The following TNIP2 variants were observed in gnomAD, a reference collection of about 807,000 sequenced individuals.
TNIP2 encodes TNFAIP3 interacting protein 2, also known as TNFAIP3-interacting protein 2.
TNIP2 carries 30 observed loss-of-function variants against 43.7 expected under a neutral mutation model. The ratio of observed to expected loss-of-function variants is 0.69; its 90% CI spans 0.51 to 0.93. TNIP2 has a LOEUF of 0.93. Ranked by LOEUF, TNIP2 falls within the 40% of genes least tolerant of loss-of-function variation. The probability of loss-of-function intolerance (pLI) is 0.00; values close to 1 mark genes in which losing one functional copy is unlikely to be tolerated. For synonymous variants in TNIP2, 260 were observed against 254.6 expected, an observed-to-expected ratio of 1.02 and a Z score of -0.20; for missense variants, 599 against 591.0, an observed-to-expected ratio of 1.01 and a Z score of -0.14.
chr4:2,744,442 A>G lies in TNIP2; in HGVS notation c.971T>C (p.Ile324Thr). 2 of 1,614,176 alleles carry G rather than the reference A, an allele frequency of 1.2e-6. No individual in the cohort carries two copies. Among genetic ancestry groups the G allele is most frequent in the Non-Finnish European group, 1.7e-6 (2 of 1,180,026 alleles). Residue 324 changes from isoleucine to threonine, a missense_variant, in exon 5 of 6, where the codon ATT (isoleucine) becomes ACT (threonine). Ile to Thr is a moderately conservative substitution (Grantham distance 89). Transcript: ENST00000315423. This position sits in a 1 kb window ranked among gnomAD's most constrained non-coding sequence, Gnocchi z 5.1. ...GGCGACCTTTTCCTCCAGTTCTTGA[A>G]TCCTACTTTGAGCCCGTTCCCGATC... ...RADRERAQSRIQELEEKVASL... is the reference protein window; with the variant it reads ...RADRERAQSRTQELEEKVASL...
Position 2,742,713 on chromosome 4 carries a change from G to A in TNIP2, c.1027-193C>T, listed in dbSNP as rs138158438. ...TGACTGAGGATCACACACACGCTCC[G>A]TCATGTGCTCATGAAGAAGTAGGCC... On this transcript the variant is annotated intron_variant, in intron 5 of 5. Coordinates refer to ENST00000315423, the MANE Select transcript of TNIP2 (RefSeq NM_024309.4). Among the ~76,000 whole-genome samples, 8 of 152,260 alleles carry A rather than the reference G, an allele frequency of 5.3e-5. No individual in the cohort carries two copies. The East Asian group carries it at 1.4e-3, about 26-fold the overall frequency.
chr4:2,756,091 G>T lies in TNIP2; in HGVS notation c.199C>A (p.Leu67Met), dbSNP rs1263647896. 1 of 1,521,244 alleles carries T rather than the reference G, an allele frequency of 6.6e-7. No homozygotes were observed. Among genetic ancestry groups the T allele is most frequent in the South Asian group, 1.2e-5 (1 of 82,000 alleles). 94.2% of individuals were successfully genotyped at this position (1,521,244 alleles called of 1,614,324 possible). Residue 67 changes from leucine to methionine, a missense_variant, in exon 1 of 6, where the codon CTG (leucine) becomes ATG (methionine). Leu to Met is a conservative substitution (Grantham distance 15). Transcript: ENST00000315423. ...CGGAAGCGCGCAACCTGCTCCAGCA[G>T]CGCGTCCACTAGGGACGGCGCGGCG... Reference protein sequence around the residue: ...GDAAPSLVDALLEQVARFREQ... With the variant: ...GDAAPSLVDAMLEQVARFREQ...
rs755193938 is a variant in TNIP2, at chr4:2,745,461, T to C, written c.642A>G (p.Lys214=). 20 of 1,613,352 alleles carry C rather than the reference T, an allele frequency of 1.2e-5. No individual in the cohort carries two copies. The highest frequency in any genetic ancestry group is 1.5e-5 in the Non-Finnish European group (18 of 1,179,492). ...AGACACTCACGTGAGTCACCTTCTG[T>C]TTTAACAGTCGATTTTCTTCCTGCA... ...EKLQEENRLL[K]QKVTHVEDLN... Residue 214 remains lysine (K), a synonymous_variant, in exon 3 of 6, where the codon AAA becomes AAG. Transcript: ENST00000315423.
intron 3 of TNIP2, 124 bp downstream of exon 3, chr4:2,745,322 G>A (rs1368542474): frequency 1.4e-6 from 1 of 738,012 alleles, no homozygotes; most frequent in Non-Finnish European, 2.4e-6. Flanking sequence ...TCTAGGGACT[G>A]TGTGTATCAA....
chr4:2,753,174 C>T (rs891304548), intron 1 of TNIP2, among the ~76,000 whole-genome samples: 5 of 152,236 alleles, frequency 3.3e-5, no homozygotes, highest in African/African-American at 1.2e-4. Flanking sequence ...CGTGGTGGCT[C>T]ATGCCTGTAA....
At chr4:2,755,953 G>T in intron 1 of TNIP2, 61 bp downstream of exon 1, 1 of 1,468,470 alleles carries the variant, frequency 6.8e-7, no homozygotes, top group African/African-American at 1.5e-5. Flanking sequence ...ACCCACCCAG[G>T]ACCCGGCGGC....
At chr4:2,747,556 G>T in intron 2 of TNIP2, 99 bp downstream of exon 2, 2 of 1,262,042 alleles carry the variant, frequency 1.6e-6, no homozygotes, top group South Asian at 1.4e-5. Context: ...AACAGAAGTG[G>T]GTTCTGGGGC....
intron 2 of TNIP2, chr4:2,745,887 T>G (rs1350956844): frequency 1.7e-5 from 4 of 236,966 alleles, no homozygotes; most frequent in Admixed American, 5.3e-5. Flanking sequence ...CCAGACATGA[T>G]AAAGTCTTCT....
chr4:2,742,007 T>A lies in TNIP2; in HGVS notation c.*250A>T. 1 of 370,260 alleles carries A rather than the reference T, an allele frequency of 2.7e-6. No individual in the cohort carries two copies. The highest frequency in any genetic ancestry group is 4.8e-6 in the Non-Finnish European group (1 of 207,882). 22.9% of individuals were successfully genotyped at this position (370,260 alleles called of 1,614,324 possible). ...GCTTAAGCCTGATGGAGACACAGAC[T>A]GGGACCTCCCTCTGCCAGATGTTCC... On this transcript the variant is annotated 3_prime_UTR_variant, in exon 6 of 6. Coordinates refer to ENST00000315423, the MANE Select transcript of TNIP2 (RefSeq NM_024309.4).
chr4:2,744,885 C>T lies in TNIP2; in HGVS notation c.718G>A (p.Gly240Arg), dbSNP rs1721901510. 1 of 1,613,644 alleles carries T rather than the reference C, an allele frequency of 6.2e-7. No individual in the cohort carries two copies. The highest frequency in any genetic ancestry group is 1.7e-5 in the Admixed American group (1 of 60,006). ...AGCCCCCTGAGCTGCGCATGGAGCCCCCTCACGTATTCGTCCCTGCTGGCG... is the reference window on the plus strand; with the variant it reads ...AGCCCCCTGAGCTGCGCATGGAGCCTCCTCACGTATTCGTCCCTGCTGGCG... The part of the protein sequence containing the change: ...YNASRDEYVR[G>R]LHAQLRGLQI... The change falls in exon 4 of 6, where the codon GGG (glycine) becomes AGG (arginine). Residue 240 changes from glycine (G) to arginine (R), a missense_variant. Gly to Arg is a moderately radical substitution (Grantham distance 125). Transcript: ENST00000315423. The surrounding 1 kb of genome is among the most constrained non-coding windows in gnomAD (Gnocchi z 5.1).
chr4:2,746,546 C>T (rs1047424254), intron 2 of TNIP2, among the ~76,000 whole-genome samples: 49 of 152,380 alleles, frequency 3.2e-4, no homozygotes, highest in Admixed American at 1.0e-3. Context: ...TGAGGTTCCC[C>T]GCCTGGAATC....
In TNIP2 at chr4:2,756,171, G is replaced by A. The variant is rs2109500113; in HGVS notation, c.119C>T (p.Ala40Val). The change falls in exon 1 of 6, where the codon GCC becomes GTC. Residue 40 changes from alanine to valine, a missense_variant. Coordinates refer to ENST00000315423, the MANE Select transcript of TNIP2 (RefSeq NM_024309.4). ...RLRRLQDQLAARDALIARLRA... is the reference protein window; with the variant it reads ...RLRRLQDQLAVRDALIARLRA... ...GAGGCGAGCGATGAGGGCGTCGCGG[G>A]CAGCGAGCTGGTCCTGCAGGCGGCG... The A allele has an allele frequency of 6.8e-7, 1 of 1,478,050 alleles. No homozygotes were observed. Among genetic ancestry groups the A allele is most frequent in the Non-Finnish European group, 8.9e-7 (1 of 1,122,378 alleles). The allele number at this position is 1,478,050 out of a possible 1,614,324, so 91.6% of individuals were successfully genotyped here. A position where few individuals can be genotyped will look rare whatever the true frequency, so the allele number is the denominator to read the frequency against.
intron 2 of TNIP2, among the ~76,000 whole-genome samples, chr4:2,746,757 T>C (rs757504377): frequency 6.6e-6 from 1 of 152,228 alleles, no homozygotes; most frequent in Non-Finnish European, 1.5e-5. Flanking sequence ...GCGAGTGAGA[T>C]GGGGTCTCAG....
At chr4:2,743,077 C>G (rs1481923767) in intron 5 of TNIP2, among the ~76,000 whole-genome samples, 2 of 152,192 alleles carry the variant, frequency 1.3e-5, no homozygotes, top group Admixed American at 6.5e-5. Flanking sequence ...GTGGCCCTCA[C>G]TGCTTGCCTG....
intron 1 of TNIP2, among the ~76,000 whole-genome samples, chr4:2,750,821 G>A (rs231177): frequency 0.043 from 6,590 of 152,014 alleles, 483 homozygotes; most frequent in African/African-American, 0.15. Flanking sequence ...TCCTTCCTGC[G>A]TTGGTCAAAT....
At position 2,744,982 on chromosome 4, in the gene TNIP2, A is replaced by T. The variant is rs371685055; in HGVS notation, c.658-37T>A. ...GAGCCGGAAAGCTCACGGTGAAGGC[A>T]GCTGACAAAGCTGCTCAAGCCAGCA... is the stretch of plus-strand genomic sequence containing the variant. On this transcript the variant is annotated intron_variant, in intron 3 of 5. Transcript: ENST00000315423. The surrounding 1 kb of genome is among the most constrained non-coding windows in gnomAD (Gnocchi z 5.1). 6.4e-7 allele frequency: 1 copy of T among 1,574,194 alleles called. No individual in the cohort carries two copies. The highest frequency in any genetic ancestry group is 8.6e-7 in the Non-Finnish European group (1 of 1,156,614).
At position 2,742,452 on chromosome 4, in the gene TNIP2, G is replaced by A. The variant is rs777732330; in HGVS notation, c.1095C>T (p.Asp365=). Residue 365 remains aspartate (D), a synonymous_variant, in exon 6 of 6, where the codon GAC becomes GAT. Transcript: ENST00000315423. ...GSKTAKYLAA[D]ALELMVPGGW... ...CACCAGGCACCATAAGCTCTAATGC[G>A]TCGGCGGCCAAATACTTGGCAGTTT... 19 of 1,610,966 alleles carry A rather than the reference G, an allele frequency of 1.2e-5. No homozygotes were observed. Among genetic ancestry groups the A allele is most frequent in the Middle Eastern group, 1.6e-4 (1 of 6,076 alleles).
At chr4:2,755,869 T>C (rs1434808306) in intron 1 of TNIP2, 145 bp downstream of exon 1, 12 of 674,720 alleles carry the variant, frequency 1.8e-5, no homozygotes, top group Admixed American at 2.3e-4. Context: ...CCCCAACCCC[T>C]CAGGACCCGA....
In TNIP2 at chr4:2,744,658, C is replaced by T. The variant is rs748930066; in HGVS notation, c.906+39G>A. 33 of 1,588,856 alleles carry T rather than the reference C, an allele frequency of 2.1e-5. No homozygotes were observed. The highest frequency in any genetic ancestry group is 3.4e-6 in the Non-Finnish European group (4 of 1,171,768). ...ATTTCGGCCACCACCGGCCAGCAGACATCTGGTCAGTGCCGTCCGGAGCCC... is the reference window on the plus strand; with the variant it reads ...ATTTCGGCCACCACCGGCCAGCAGATATCTGGTCAGTGCCGTCCGGAGCCC... On this transcript the variant is annotated intron_variant, in intron 4 of 5. Transcript: ENST00000315423. The surrounding 1 kb of genome is among the most constrained non-coding windows in gnomAD (Gnocchi z 5.1).
Sources: allele counts gnomAD v4.1 joint callset (sites outside exome capture counted in the v4.1 genomes callset), GRCh38; gene constraint gnomAD v4.1.1; non-coding constraint Gnocchi (gnomAD v3.1); transcripts MANE v1.5; gene names NCBI Gene and HGNC (gene_info 2026-07-23, HGNC 2026-07-21).